The following FSTL5 variants were observed in gnomAD, a reference collection of about 807,000 sequenced individuals.
FSTL5 encodes follistatin like 5, also known as follistatin-related protein 5.
A neutral mutation model predicts 89.1 loss-of-function variants in FSTL5; 62 were observed. The ratio of observed to expected loss-of-function variants is 0.70; its 90% CI spans 0.57 to 0.86. FSTL5 has a LOEUF of 0.86. FSTL5 is among the 40% of genes least tolerant of loss of function. The probability of loss-of-function intolerance (pLI) is 0.00; values close to 1 mark genes in which losing one functional copy is unlikely to be tolerated. For synonymous variants in FSTL5, 383 were observed against 346.2 expected (o/e 1.11, Z -1.18); for missense variants, 1,057 against 1,001.6 (o/e 1.06, Z -0.75).
intron 4 of FSTL5, among the ~76,000 whole-genome samples, chr4:161,832,558 G>T (rs1308327631): frequency 6.6e-6 from 1 of 152,074 alleles, no homozygotes; most frequent in African/African-American, 2.4e-5. Context: ...CAATTTCAGA[G>T]CCTGTTATTG....
At chr4:161,704,050 A>G (rs1008562529) in intron 6 of FSTL5, among the ~76,000 whole-genome samples, 1 of 152,156 alleles carries the variant, frequency 6.6e-6, no homozygotes, top group Non-Finnish European at 1.5e-5. Context: ...CCACTAAGCT[A>G]AAGGGAAAAC....
chr4:161,732,675 T>C (rs914925463), intron 6 of FSTL5, among the ~76,000 whole-genome samples: 1 of 152,046 alleles, frequency 6.6e-6, no homozygotes, highest in Admixed American at 6.6e-5. Flanking sequence ...TAGTTTATGA[T>C]GTGAGGTAAG....
chr4:161,594,593 T>C (rs935471857), intron 7 of FSTL5, among the ~76,000 whole-genome samples: 1 of 152,040 alleles, frequency 6.6e-6, no homozygotes, highest in Admixed American at 6.6e-5. Flanking sequence ...TAAATTACCA[T>C]TACCATTTCT....
At chr4:161,595,805 A>G (rs564978778) in intron 7 of FSTL5, among the ~76,000 whole-genome samples, 154 of 152,116 alleles carry the variant, frequency 1.0e-3, no homozygotes, top group Non-Finnish European at 1.1e-3. Context: ...AAGATATTTC[A>G]TCTGTTATAA....
intron 5 of FSTL5, among the ~76,000 whole-genome samples, chr4:161,773,194 CAA>C (rs1741273297): frequency 6.6e-6 from 1 of 152,092 alleles, no homozygotes; most frequent in African/African-American, 2.4e-5. Context: ...GAAATCAACT[CAA>C]GATGGATCAA....
intron 15 of FSTL5, among the ~76,000 whole-genome samples, chr4:161,399,740 C>T (rs1464553444): frequency 6.6e-6 from 1 of 152,066 alleles, no homozygotes; most frequent in Non-Finnish European, 1.5e-5. Context: ...AATAGAGAGA[C>T]GAACTGCTCA....
intron 3 of FSTL5, among the ~76,000 whole-genome samples, chr4:161,978,487 T>G (rs1262631722): frequency 2.0e-5 from 3 of 152,282 alleles, no homozygotes; most frequent in Middle Eastern, 3.4e-3. Context: ...TTTATTATTT[T>G]ACAACGTAAG....
At chr4:161,453,818 T>C (rs532995173) in intron 15 of FSTL5, among the ~76,000 whole-genome samples, 4 of 152,234 alleles carry the variant, frequency 2.6e-5, no homozygotes, top group African/African-American at 9.6e-5. Flanking sequence ...GGTTTCGAAC[T>C]CCTGTACTCA....
At chr4:161,641,431 G>A (rs1011829760) in intron 7 of FSTL5, among the ~76,000 whole-genome samples, 1 of 108,834 alleles carries the variant, frequency 9.2e-6, no homozygotes, top group East Asian at 2.4e-4. Flanking sequence ...AGGGTAGGTG[G>A]AGCTGTTAAA....
chr4:161,653,903 A>G (rs918527677), intron 7 of FSTL5, among the ~76,000 whole-genome samples: 1 of 152,164 alleles, frequency 6.6e-6, no homozygotes, highest in African/African-American at 2.4e-5. Context: ...TTCTATGTAC[A>G]CTATAGATTA....
intron 1 of FSTL5, among the ~76,000 whole-genome samples, chr4:162,133,965 G>A (rs1732420025): frequency 6.6e-6 from 1 of 152,130 alleles, no homozygotes; most frequent in African/African-American, 2.4e-5. Flanking sequence ...CCCATTGGAA[G>A]GGCAATTAAT....
At chr4:161,751,788 A>AG (rs1182894897) in intron 6 of FSTL5, among the ~76,000 whole-genome samples, 1 of 118,928 alleles carries the variant, frequency 8.4e-6, no homozygotes, top group East Asian at 2.3e-4. Context: ...CTCAAAAAAA[A>AG]AGAAAAAAAA....
At chr4:161,969,405 C>T (rs1415721194) in intron 3 of FSTL5, among the ~76,000 whole-genome samples, 1 of 151,888 alleles carries the variant, frequency 6.6e-6, no homozygotes, top group Non-Finnish European at 1.5e-5. Context: ...GCGAGAGCAG[C>T]GATCTATCTA....
rs774764874 is a variant in FSTL5 at position 161,500,134 on chromosome 4, C to A, written c.1340G>T (p.Gly447Val). 5 of 1,539,042 alleles carry A rather than the reference C, an allele frequency of 3.2e-6. No individual in the cohort carries two copies. The highest frequency in any genetic ancestry group is 1.8e-5 in the Admixed American group (1 of 56,170). ...TLANILWREE[G>V]LGIGNMFYVF... ...ATAGAACATGTTCCCAATTCCCAGACCTTAGGAATAAAAACACATTTAAAT... is the reference window on the plus strand; with the variant it reads ...ATAGAACATGTTCCCAATTCCCAGAACTTAGGAATAAAAACACATTTAAAT... The change falls in exon 12 of 16, where the codon GGT becomes GTT. Residue 447 changes from glycine (G) to valine (V), a missense_variant and splice_region_variant. Physicochemically the swap from Gly to Val is moderately radical, Grantham distance 109 (BLOSUM62 -3). This residue lies in a region of FSTL5 where 980 missense variants were observed against 903.2 expected (regional missense o/e 1.08). Coordinates refer to ENST00000306100, the MANE Select transcript of FSTL5 (RefSeq NM_020116.5).
At chr4:161,720,753 T>C (rs1195447594) in intron 6 of FSTL5, among the ~76,000 whole-genome samples, 1 of 152,150 alleles carries the variant, frequency 6.6e-6, no homozygotes, top group African/African-American at 2.4e-5. Flanking sequence ...CTACATTAAA[T>C]ATGCCAGACA....
At chr4:161,392,515 G>A (rs1486706638) in intron 15 of FSTL5, among the ~76,000 whole-genome samples, 2 of 152,146 alleles carry the variant, frequency 1.3e-5, no homozygotes, top group African/African-American at 4.8e-5. Flanking sequence ...ATAAACCACT[G>A]TACTCAGGTA....
chr4:162,029,081 A>G (rs746930600), intron 3 of FSTL5, among the ~76,000 whole-genome samples: 21 of 152,068 alleles, frequency 1.4e-4, no homozygotes, highest in Non-Finnish European at 2.9e-4. Flanking sequence ...AATAAAGAAA[A>G]TAAAGGAGAA....
At chr4:161,425,458 A>G (rs1732137940) in intron 15 of FSTL5, among the ~76,000 whole-genome samples, 1 of 152,188 alleles carries the variant, frequency 6.6e-6, no homozygotes, top group Non-Finnish European at 1.5e-5. Flanking sequence ...TTAAGGGTAC[A>G]CTTGGCAGTA....
chr4:161,890,611 C>CAA, intron 4 of FSTL5, among the ~76,000 whole-genome samples: 1 of 150,736 alleles, frequency 6.6e-6, no homozygotes, highest in African/African-American at 2.4e-5. Context: ...TCGCTTGAAC[C>CAA]CGGGTGGTGG....
Sources: allele counts gnomAD v4.1 joint callset (sites outside exome capture counted in the v4.1 genomes callset), GRCh38; gene constraint gnomAD v4.1.1; regional missense constraint gnomAD v4.1.1; transcripts MANE v1.5; gene names NCBI Gene and HGNC (gene_info 2026-07-23, HGNC 2026-07-21).